DISC1: variants seen among roughly 807,000 people sequenced by gnomAD.
The protein encoded by DISC1 is disrupted in schizophrenia 1 protein.
A neutral mutation model predicts 84.5 loss-of-function variants in DISC1; 57 were observed. The ratio of observed to expected loss-of-function variants is 0.67; its 90% CI spans 0.55 to 0.84. The LOEUF (loss-of-function observed/expected upper bound fraction) is 0.84, where lower values mean the gene tolerates loss of function less well. DISC1 is among the 40% of genes least tolerant of loss of function. The pLI is 0.00. For synonymous variants in DISC1, 411 were observed against 415.2 expected, an observed-to-expected ratio of 0.99 and a Z score of 0.12; for missense variants, 1,000 against 1,057.8, an observed-to-expected ratio of 0.95 and a Z score of 0.76.
chr1:231,822,440 A>G (rs780406288), intron 9 of DISC1, among the ~76,000 whole-genome samples: 4 of 152,156 alleles, frequency 2.6e-5, no homozygotes, highest in Non-Finnish European at 5.9e-5. Flanking sequence ...TCTTTCGGTG[A>G]GTAAGAGGGG....
intron 9 of DISC1, among the ~76,000 whole-genome samples, chr1:231,947,838 C>T (rs1657530469): frequency 6.7e-6 from 1 of 149,026 alleles, no homozygotes; most frequent in Non-Finnish European, 1.5e-5. Context: ...ATTTATGTAA[C>T]AAACAGACGT....
intron 9 of DISC1, among the ~76,000 whole-genome samples, chr1:231,953,222 T>C (rs1658802305): frequency 6.6e-6 from 1 of 152,208 alleles, no homozygotes. Flanking sequence ...ACAGTGGGTC[T>C]CCAATGTGAC....
chr1:231,974,553 A>C (rs1323294360), intron 10 of DISC1, among the ~76,000 whole-genome samples: 1 of 152,210 alleles, frequency 6.6e-6, no homozygotes, highest in Non-Finnish European at 1.5e-5. Flanking sequence ...TCTGCACTTT[A>C]GTGGATGCTT....
intron 10 of DISC1, among the ~76,000 whole-genome samples, chr1:231,995,431 C>G (rs1395685015): frequency 6.6e-6 from 1 of 151,740 alleles, no homozygotes; most frequent in Non-Finnish European, 1.5e-5. Flanking sequence ...TGCTGGTGTG[C>G]TGCACCCATT....
chr1:231,718,033 G>A (rs1328480044), intron 3 of DISC1, among the ~76,000 whole-genome samples: 1 of 152,100 alleles, frequency 6.6e-6, no homozygotes, highest in African/African-American at 2.4e-5. Context: ...AAAAAAGCCT[G>A]TGGGTCATTG....
At chr1:231,680,051 A>G (rs2063536054) in intron 1 of DISC1, among the ~76,000 whole-genome samples, 1 of 152,122 alleles carries the variant, frequency 6.6e-6, no homozygotes, top group Non-Finnish European at 1.5e-5. Context: ...AACATGGGGA[A>G]ACCCCGTCTC....
chr1:231,959,910 C>T (rs865826129), intron 10 of DISC1, among the ~76,000 whole-genome samples: 26 of 152,178 alleles, frequency 1.7e-4, no homozygotes, highest in African/African-American at 6.3e-4. Flanking sequence ...AGATTTCTGG[C>T]ACATCCTTCT....
In DISC1 at chr1:231,795,226, T is replaced by G; in HGVS notation, c.1635-16T>G. ...GGTTACCAAGAAGACCAATCTCCTC[T>G]TTTTAATTCTTCCAGCCTCCAGGAA... is the stretch of plus-strand genomic sequence containing the variant. On this transcript the variant is annotated splice_polypyrimidine_tract_variant and intron_variant, in intron 6 of 12. Transcript: ENST00000439617. The G allele has an allele frequency of 6.2e-7, 1 of 1,613,232 alleles. No homozygotes were observed. Among genetic ancestry groups the G allele is most frequent in the Middle Eastern group, 1.7e-4 (1 of 6,060 alleles).
intron 3 of DISC1, among the ~76,000 whole-genome samples, chr1:231,735,164 C>T (rs2072313518): frequency 1.3e-5 from 2 of 152,180 alleles, no homozygotes; most frequent in South Asian, 4.1e-4. Flanking sequence ...TAGTTCTTCC[C>T]AGGACTTTTT....
intron 9 of DISC1, among the ~76,000 whole-genome samples, chr1:231,913,858 C>T (rs994354684): frequency 1.3e-5 from 2 of 152,122 alleles, no homozygotes; most frequent in Admixed American, 6.5e-5. Flanking sequence ...GTCCACATGC[C>T]GAGTGTCCAT....
intron 4 of DISC1, among the ~76,000 whole-genome samples, chr1:231,751,595 G>A (rs1336758117): frequency 6.6e-6 from 1 of 152,070 alleles, no homozygotes; most frequent in East Asian, 1.9e-4. Context: ...TTCCCCAACT[G>A]ACACTCTGTA....
intron 9 of DISC1, among the ~76,000 whole-genome samples, chr1:231,829,683 C>G (rs919944242): frequency 1.3e-5 from 2 of 152,166 alleles, no homozygotes; most frequent in African/African-American, 4.8e-5. Flanking sequence ...CACTCACGTC[C>G]GTGTGAAGAG....
At chr1:232,020,112 C>G (rs1266718602) in intron 11 of DISC1, among the ~76,000 whole-genome samples, 2 of 152,092 alleles carry the variant, frequency 1.3e-5, no homozygotes, top group South Asian at 4.1e-4. Context: ...GGGGCCAAGG[C>G]AGGCAGATCA....
intron 3 of DISC1, among the ~76,000 whole-genome samples, chr1:231,705,400 G>C (rs2066964443): frequency 6.6e-6 from 1 of 151,094 alleles, no homozygotes; most frequent in African/African-American, 2.4e-5. Flanking sequence ...TGGGGTGGGT[G>C]AAGAATCAAA....
intron 9 of DISC1, among the ~76,000 whole-genome samples, chr1:231,908,712 C>T (rs191593337): frequency 6.6e-6 from 1 of 152,310 alleles, no homozygotes; most frequent in African/African-American, 2.4e-5. Context: ...TGAAGAAAGT[C>T]ATTGGTAGCT....
chr1:231,829,015 AT>A (rs1479702267), intron 9 of DISC1, among the ~76,000 whole-genome samples: 4 of 152,190 alleles, frequency 2.6e-5, no homozygotes, highest in Admixed American at 6.5e-5. Flanking sequence ...GCATTATAAT[AT>A]TCCAATTTAT....
At chr1:231,980,531 T>G (rs1212378201) in intron 10 of DISC1, among the ~76,000 whole-genome samples, 1 of 152,224 alleles carries the variant, frequency 6.6e-6, no homozygotes, top group East Asian at 1.9e-4. Flanking sequence ...TTGGACATAC[T>G]GCTTTATTTT....
chr1:231,690,536 G>A (rs1397890379), intron 1 of DISC1, among the ~76,000 whole-genome samples: 2 of 152,210 alleles, frequency 1.3e-5, no homozygotes, highest in African/African-American at 4.8e-5. Context: ...TGCTAGGAAA[G>A]GAGTATTTGT....
chr1:231,664,772 C>T lies in DISC1; in HGVS notation c.68-29054C>T, dbSNP rs151140337. On this transcript the variant is annotated intron_variant, in intron 1 of 12. Coordinates refer to ENST00000439617, the MANE Select transcript of DISC1 (RefSeq NM_018662.3). ...ATAGGAGACTAATACAGTTGACCCT[C>T]GAACGACACAGGTTTGAACTGTGAG... is the stretch of plus-strand genomic sequence containing the variant. Among the ~76,000 whole-genome samples the T allele has an allele frequency of 3.4e-3, 511 of 151,824 alleles. 6 individuals carry two copies. The highest frequency in any genetic ancestry group is 0.012 in the African/African-American group (490 of 41,406).
Sources: gnomAD v4.1 joint callset for allele counts (sites outside exome capture counted in the v4.1 genomes callset) on GRCh38, gnomAD v4.1.1 for gene constraint, MANE v1.5 for transcripts, NCBI Gene and HGNC (gene_info 2026-07-23, HGNC 2026-07-21) for gene names.